TBC1D8: variants seen among roughly 807,000 people sequenced by gnomAD.
The protein encoded by TBC1D8 is TBC1 domain family member 8.
A neutral mutation model predicts 118.8 loss-of-function variants in TBC1D8; 65 were observed. The observed-to-expected ratio is 0.55, with a 90% CI of 0.45 to 0.67. The LOEUF is 0.67. TBC1D8 is among the 30% of genes least tolerant of loss of function. TBC1D8 has a pLI of 0.00. For synonymous variants in TBC1D8, 566 were observed against 595.8 expected, an observed-to-expected ratio of 0.95 and a Z score of 0.73; for missense variants, 1,376 against 1,471.2, an observed-to-expected ratio of 0.94 and a Z score of 1.06.
At chr2:101,051,004 A>C (rs1174437848) in intron 4 of TBC1D8, among the ~76,000 whole-genome samples, 1 of 152,196 alleles carries the variant, frequency 6.6e-6, no homozygotes, top group Non-Finnish European at 1.5e-5. Context: ...AAGTGGAAAC[A>C]TGCGGTATTT....
intron 11 of TBC1D8, among the ~76,000 whole-genome samples, chr2:101,031,232 G>A (rs1012497860): frequency 2.0e-5 from 3 of 152,164 alleles, no homozygotes; most frequent in African/African-American, 7.2e-5. Context: ...AAGTAAAAAG[G>A]GAAGCAAGCC....
chr2:101,051,271 C>T (rs943914311), intron 4 of TBC1D8, among the ~76,000 whole-genome samples: 1 of 152,132 alleles, frequency 6.6e-6, no homozygotes, highest in South Asian at 2.1e-4. Flanking sequence ...GGATATACAC[C>T]TAGTAATGGT....
chr2:101,039,747 G>A (rs1461529037), intron 6 of TBC1D8, among the ~76,000 whole-genome samples: 1 of 151,806 alleles, frequency 6.6e-6, no homozygotes, highest in Non-Finnish European at 1.5e-5. Flanking sequence ...CAAAAGCCAG[G>A]CAATTTACCA....
At chr2:101,045,025 C>T (rs62152954) in intron 5 of TBC1D8, among the ~76,000 whole-genome samples, 27,118 of 151,924 alleles carry the variant, frequency 0.18, 2,467 homozygotes, top group Middle Eastern at 0.3. Context: ...GGGATTACCG[C>T]GCCCAGCCCA....
intron 5 of TBC1D8, among the ~76,000 whole-genome samples, chr2:101,040,719 C>T (rs1286802726): frequency 6.6e-6 from 1 of 152,250 alleles, no homozygotes; most frequent in African/African-American, 2.4e-5. Flanking sequence ...ATCCACCCAC[C>T]TCGGCCTCCC....
intron 1 of TBC1D8, among the ~76,000 whole-genome samples, chr2:101,108,759 T>C (rs1485848584): frequency 1.4e-5 from 2 of 143,176 alleles, no homozygotes; most frequent in African/African-American, 2.5e-5. Flanking sequence ...ATCTCCCTAT[T>C]TTAAGGTCAG....
intron 2 of TBC1D8, among the ~76,000 whole-genome samples, chr2:101,077,573 A>C (rs2105443347): frequency 6.6e-6 from 1 of 152,148 alleles, no homozygotes. Context: ...AAACAACGAG[A>C]TCTCGTAAGA....
At chr2:101,062,450 G>A (rs1682806328) in intron 2 of TBC1D8, among the ~76,000 whole-genome samples, 1 of 152,238 alleles carries the variant, frequency 6.6e-6, no homozygotes. Flanking sequence ...AAAGCAGGGA[G>A]AAGACTCACC....
Position 101,123,368 on chromosome 2 carries a change from G to A in TBC1D8, c.127+27759C>T, listed in dbSNP as rs139018588. The stretch of plus-strand genomic sequence containing the variant: ...ATTGCTCTGGCTAGGACTTCCAGCA[G>A]TATTCAGCGGTTGTACATAGTGCAA... On this transcript the variant is annotated intron_variant, in intron 1 of 19. Coordinates refer to ENST00000409318, the MANE Select transcript of TBC1D8 (RefSeq NM_001330348.2). 2.6e-4 allele frequency among the ~76,000 whole-genome samples: 40 copies of A among 152,268 alleles called. No homozygotes were observed. The East Asian group carries it at 7.7e-3, about 29-fold the overall frequency.
intron 1 of TBC1D8, among the ~76,000 whole-genome samples, chr2:101,099,766 G>C (rs532815491): frequency 2.0e-5 from 3 of 152,254 alleles, no homozygotes; most frequent in Middle Eastern, 6.8e-3. Flanking sequence ...AAAACCACAT[G>C]ATTATCTCAA....
chr2:101,077,075 G>C (rs1016181427), intron 2 of TBC1D8, among the ~76,000 whole-genome samples: 1 of 152,200 alleles, frequency 6.6e-6, no homozygotes, highest in Non-Finnish European at 1.5e-5. Context: ...CCAGACTGGA[G>C]TGCAGTGGCA....
At chr2:101,061,374 T>TAGTAGG (rs1187613915) in intron 2 of TBC1D8, among the ~76,000 whole-genome samples, 1 of 152,200 alleles carries the variant, frequency 6.6e-6, no homozygotes, top group South Asian at 2.1e-4. Context: ...CATCTATCTG[T>TAGTAGG]AGTAGGACTG....
At chr2:101,011,374 G>C in intron 18 of TBC1D8, 77 bp downstream of exon 18, 2 of 1,397,162 alleles carry the variant, frequency 1.4e-6, no homozygotes, top group Non-Finnish European at 2.0e-6. Flanking sequence ...TACAAGAAGA[G>C]GGATGAGGGC....
intron 2 of TBC1D8, among the ~76,000 whole-genome samples, chr2:101,077,508 A>T (rs1674922011): frequency 6.6e-6 from 1 of 152,102 alleles, no homozygotes; most frequent in South Asian, 2.1e-4. Flanking sequence ...CGGCCTCCCA[A>T]AGTGCTGGGA....
At chr2:101,056,443 C>A (rs891655411) in intron 3 of TBC1D8, among the ~76,000 whole-genome samples, 1 of 152,046 alleles carries the variant, frequency 6.6e-6, no homozygotes, top group African/African-American at 2.4e-5. Context: ...ACCTCATGAT[C>A]CACCCGCCTC....
At chr2:101,102,753 G>A (rs866977137) in intron 1 of TBC1D8, among the ~76,000 whole-genome samples, 1 of 151,668 alleles carries the variant, frequency 6.6e-6, no homozygotes, top group Non-Finnish European at 1.5e-5. Flanking sequence ...ATAAAGAGGG[G>A]TATTACAGGC....
intron 1 of TBC1D8, among the ~76,000 whole-genome samples, chr2:101,123,522 C>A (rs758948405): frequency 3.9e-5 from 6 of 152,128 alleles, no homozygotes; most frequent in Non-Finnish European, 7.3e-5. Flanking sequence ...CCAGTGTGCA[C>A]GGCTAAGTCA....
chr2:101,102,873 A>G (rs1676947002), intron 1 of TBC1D8, among the ~76,000 whole-genome samples: 1 of 151,616 alleles, frequency 6.6e-6, no homozygotes, highest in Non-Finnish European at 1.5e-5. Context: ...CAAAAAAAAT[A>G]AAATTAAAAA....
intron 2 of TBC1D8, among the ~76,000 whole-genome samples, chr2:101,063,570 T>G (rs907317661): frequency 6.6e-6 from 1 of 152,220 alleles, no homozygotes; most frequent in Non-Finnish European, 1.5e-5. Flanking sequence ...CAGACTGTAA[T>G]TTCCTCTGCA....
Sources: allele counts gnomAD v4.1 joint callset (sites outside exome capture counted in the v4.1 genomes callset), GRCh38; gene constraint gnomAD v4.1.1; transcripts MANE v1.5; gene names NCBI Gene and HGNC (gene_info 2026-07-23, HGNC 2026-07-21).